Variants in LRTM3 observed in about 807,000 individuals in gnomAD.
LRTM3 encodes leucine rich repeat transmembrane protein 3.
chr13:102,743,598 G>A, the LRTM3 span: 1 of 1,550,134 alleles, frequency 6.5e-7, no homozygotes. Context: ...GATAAAACAG[G>A]CATGAAGAAA....
the LRTM3 span, chr13:102,748,322 T>C: frequency 1.5e-5 from 23 of 1,551,140 alleles, no homozygotes; most frequent in Non-Finnish European, 2.0e-5. Flanking sequence ...ACTTTCTGTA[T>C]TCACTTGAAT....
chr13:102,741,668 G>A, the LRTM3 span: 1 of 1,550,214 alleles, frequency 6.5e-7, no homozygotes, highest in Admixed American at 2.0e-5. Context: ...CTGTTGAGAA[G>A]TATCCAACTC....
the LRTM3 span, chr13:102,738,085 C>T: frequency 6.4e-7 from 1 of 1,551,056 alleles, no homozygotes; most frequent in Non-Finnish European, 8.7e-7. Flanking sequence ...TGTCCTCTTT[C>T]CCTTGCTCCT....
At chr13:102,757,964 T>C in the LRTM3 span, among the ~76,000 whole-genome samples, 1 of 152,242 alleles carries the variant, frequency 6.6e-6, no homozygotes, top group Admixed American at 6.5e-5. Flanking sequence ...ATTATGTCAG[T>C]ATTTAATCCC....
chr13:102,754,594 T>TA, the LRTM3 span, among the ~76,000 whole-genome samples: 1 of 152,168 alleles, frequency 6.6e-6, no homozygotes, highest in Admixed American at 6.5e-5. Flanking sequence ...CATATATGTT[T>TA]AAAATCATGT....
At chr13:102,746,970 T>C in the LRTM3 span, 1 of 1,551,208 alleles carries the variant, frequency 6.4e-7, no homozygotes, top group South Asian at 1.2e-5. Flanking sequence ...ATAGTTTCTG[T>C]GAATGGGATT....
chr13:102,733,783 G>T, the LRTM3 span: 2 of 1,551,372 alleles, frequency 1.3e-6, no homozygotes, highest in Non-Finnish European at 1.7e-6. Flanking sequence ...GTGAAGGTTG[G>T]TTCCTTTGCT....
At chr13:102,748,788 G>T in the LRTM3 span, 2 of 1,550,302 alleles carry the variant, frequency 1.3e-6, no homozygotes, top group African/African-American at 1.4e-5. Context: ...GCTTTTAGTT[G>T]AACAGTGTTG....
chr13:102,751,564 G>A, the LRTM3 span, among the ~76,000 whole-genome samples: 2 of 152,044 alleles, frequency 1.3e-5, no homozygotes, highest in African/African-American at 2.4e-5. Context: ...GATAAATTTC[G>A]ATAGTCACTG....
At chr13:102,743,631 C>T in the LRTM3 span, 1 of 1,550,266 alleles carries the variant, frequency 6.5e-7, no homozygotes, top group Non-Finnish European at 8.7e-7. Context: ...AGGAAAGTTG[C>T]AGGTGAGTTT....
At chr13:102,756,100 A>T in the LRTM3 span, among the ~76,000 whole-genome samples, 9 of 150,922 alleles carry the variant, frequency 6.0e-5, no homozygotes, top group African/African-American at 2.2e-4. Context: ...TTACAGGCGC[A>T]TGCCACCACA....
the LRTM3 span, chr13:102,735,464 A>T: frequency 6.4e-7 from 1 of 1,551,328 alleles, no homozygotes; most frequent in Admixed American, 2.0e-5. Context: ...TGGTGGAGTA[A>T]GTAAAGAAGT....
the LRTM3 span, chr13:102,742,432 G>A: frequency 1.9e-6 from 3 of 1,547,562 alleles, no homozygotes; most frequent in Non-Finnish European, 2.6e-6. Flanking sequence ...TCTTTGGCAG[G>A]GCAAATGTCT....
the LRTM3 span, chr13:102,743,540 A>T: frequency 2.8e-5 from 43 of 1,548,522 alleles, no homozygotes; most frequent in African/African-American, 4.1e-5. Context: ...ATTCAATATA[A>T]TTTTCCTTTC....
the LRTM3 span, chr13:102,745,719 T>C: frequency 6.4e-7 from 1 of 1,551,210 alleles, no homozygotes; most frequent in Non-Finnish European, 8.7e-7. Context: ...TTTTGATGGC[T>C]AGAATCAGAT....
chr13:102,744,715 T>C, the LRTM3 span: 4 of 1,550,640 alleles, frequency 2.6e-6, no homozygotes, highest in Non-Finnish European at 3.5e-6. Flanking sequence ...CTGATTCTGT[T>C]AACATTTTTT....
At chr13:102,731,236 C>T in the LRTM3 span, 10 of 1,551,312 alleles carry the variant, frequency 6.4e-6, no homozygotes, top group Non-Finnish European at 8.7e-6. Flanking sequence ...GAGGTGAATC[C>T]TTTTGGTGTT....
At chr13:102,740,199 C>T in the LRTM3 span, 1 of 1,548,786 alleles carries the variant, frequency 6.5e-7, no homozygotes, top group Non-Finnish European at 8.7e-7. Flanking sequence ...ACCTGTACCC[C>T]ATCTGATGAT....
the LRTM3 span, chr13:102,748,045 T>C: frequency 6.4e-7 from 1 of 1,551,050 alleles, no homozygotes; most frequent in African/African-American, 1.4e-5. Context: ...CCTTCTCATC[T>C]GGTAATTTCT....
Sources: allele counts gnomAD v4.1 joint callset (sites outside exome capture counted in the v4.1 genomes callset), GRCh38; gene constraint gnomAD v4.1.1; transcripts MANE v1.5; gene names NCBI Gene and HGNC (gene_info 2026-07-23, HGNC 2026-07-21).